Variants in SHC3 observed in about 807,000 individuals in gnomAD.
SHC3 encodes SHC adaptor protein 3, also known as SHC-transforming protein 3.
A neutral mutation model predicts 60.4 loss-of-function variants in SHC3; 15 were observed. The observed-to-expected ratio is 0.25, with a 90% CI of 0.17 to 0.38. SHC3 has a LOEUF of 0.38. Ranked by LOEUF, SHC3 falls within the 10% of genes least tolerant of loss-of-function variation. The pLI, the probability that SHC3 is intolerant of heterozygous loss-of-function variation, is 1.00. For synonymous variants in SHC3, 294 were observed against 325.9 expected (o/e 0.90, Z 1.05); for missense variants, 677 against 786.1 (o/e 0.86, Z 1.66).
At chr9:89,074,336 A>C (rs1281033506) in intron 4 of SHC3, among the ~76,000 whole-genome samples, 2 of 152,206 alleles carry the variant, frequency 1.3e-5, no homozygotes, top group Non-Finnish European at 2.9e-5. Context: ...GCCGGGGCAC[A>C]GCAAGGGAGG....
intron 1 of SHC3, among the ~76,000 whole-genome samples, chr9:89,170,855 G>A (rs1459287974): frequency 1.3e-5 from 2 of 152,190 alleles, no homozygotes; most frequent in Admixed American, 6.5e-5. Flanking sequence ...AGTATACGGT[G>A]TATGGAAGAT....
chr9:89,106,663 T>C (rs926307026), intron 2 of SHC3, among the ~76,000 whole-genome samples: 2 of 152,130 alleles, frequency 1.3e-5, no homozygotes, highest in Admixed American at 6.5e-5. Flanking sequence ...TCTCCCTTCC[T>C]ACTGGCTGTG....
chr9:89,028,114 C>G (rs937430963), intron 11 of SHC3, among the ~76,000 whole-genome samples: 2 of 152,130 alleles, frequency 1.3e-5, no homozygotes, highest in African/African-American at 4.8e-5. Flanking sequence ...AGTCCAAGCC[C>G]CCTCCCCTTC....
At chr9:89,080,735 A>ATATATATATATATATATATATATATG (rs1825431341) in intron 2 of SHC3, among the ~76,000 whole-genome samples, 1 of 4,644 alleles carries the variant, frequency 2.2e-4, no homozygotes, top group African/African-American at 1.1e-3. Context: ...ACTAGGAAGA[A>ATATATATATATATATATATATATATG]TATATATATA....
intron 1 of SHC3, among the ~76,000 whole-genome samples, chr9:89,176,417 G>A (rs1014103768): frequency 6.6e-6 from 1 of 152,212 alleles, no homozygotes; most frequent in Non-Finnish European, 1.5e-5. Flanking sequence ...CCATAAGTTT[G>A]AGAATTCTCC....
In SHC3 at chr9:89,071,212, G is replaced by A; in HGVS notation, c.770C>T (p.Ser257Phe). The change falls in exon 5 of 12, where the codon TCT (serine) becomes TTT (phenylalanine). Residue 257 changes from serine (S) to phenylalanine (F), a missense_variant. Coordinates refer to ENST00000375835, the MANE Select transcript of SHC3 (RefSeq NM_016848.6). ...AAGGGTACTTACCGGGTCTCCCCCA[G>A]AGGCGAAGGAGATGGACCGCATGTG... The part of the protein sequence containing the change: ...NHHMRSISFA[S>F]GGDPDTTDYV... 1 of 1,614,116 alleles carries A rather than the reference G, an allele frequency of 6.2e-7. No individual in the cohort carries two copies. Among genetic ancestry groups the A allele is most frequent in the Non-Finnish European group, 8.5e-7 (1 of 1,180,010 alleles).
intron 2 of SHC3, among the ~76,000 whole-genome samples, chr9:89,097,022 G>T (rs940786149): frequency 6.7e-6 from 1 of 149,162 alleles, no homozygotes; most frequent in Non-Finnish European, 1.5e-5. Context: ...CAGACACCAG[G>T]TCAGGAGAGG....
At chr9:89,110,250 G>T in intron 2 of SHC3, 1 of 985,352 alleles carries the variant, frequency 1.0e-6, no homozygotes, top group Non-Finnish European at 1.2e-6. Context: ...AAGCCCAGCC[G>T]TAGGGGCAAA....
chr9:89,144,970 A>G (rs1341821102), intron 1 of SHC3, among the ~76,000 whole-genome samples: 1 of 152,186 alleles, frequency 6.6e-6, no homozygotes, highest in East Asian at 1.9e-4. Flanking sequence ...TCACCAACCC[A>G]AGGAAATCAA....
intron 6 of SHC3, among the ~76,000 whole-genome samples, chr9:89,062,158 C>T (rs760376731): frequency 6.6e-6 from 1 of 152,260 alleles, no homozygotes; most frequent in Middle Eastern, 3.4e-3. Flanking sequence ...TTGGAACTGT[C>T]TAATATATAC....
chr9:89,114,223 C>T (rs76155234), intron 1 of SHC3, among the ~76,000 whole-genome samples: 39 of 152,218 alleles, frequency 2.6e-4, no homozygotes, highest in Non-Finnish European at 5.4e-4. Context: ...CAGAGTTACA[C>T]GAACACTACC....
intron 11 of SHC3, among the ~76,000 whole-genome samples, chr9:89,015,207 C>T (rs942433083): frequency 3.3e-5 from 5 of 152,206 alleles, no homozygotes; most frequent in Admixed American, 6.5e-5. Flanking sequence ...GCCAGGGGCA[C>T]CCAGGAACTC....
Position 89,029,199 on chromosome 9 carries a change from T to C in SHC3, c.1656+8794A>G, listed in dbSNP as rs186879893. Among the ~76,000 whole-genome samples the C allele has an allele frequency of 8.5e-3, 1,283 of 151,766 alleles. 7 individuals are homozygous for C. The highest frequency in any genetic ancestry group is 0.013 in the Non-Finnish European group (903 of 67,884). On this transcript the variant is annotated intron_variant, in intron 11 of 11. Coordinates refer to ENST00000375835, the MANE Select transcript of SHC3 (RefSeq NM_016848.6). ...CCAGGAGTTCTGAGATGAAAAAATA[T>C]AGAAGGCAGGAAATTATCAAAAATA...
chr9:89,015,972 A>C (rs571085212), intron 11 of SHC3, among the ~76,000 whole-genome samples: 1 of 152,364 alleles, frequency 6.6e-6, no homozygotes, highest in East Asian at 1.9e-4. Flanking sequence ...GAACAAATTA[A>C]TCTAAAGTAA....
intron 4 of SHC3, 114 bp from the exon 5 acceptor site, chr9:89,071,366 T>A: frequency 1.0e-6 from 1 of 991,516 alleles, no homozygotes; most frequent in Non-Finnish European, 1.6e-6. Context: ...TGAAAATTGG[T>A]ATCTATATAA....
chr9:89,164,363 G>C (rs532927720), intron 1 of SHC3, among the ~76,000 whole-genome samples: 12 of 152,176 alleles, frequency 7.9e-5, no homozygotes, highest in Admixed American at 1.3e-4. Context: ...GAAGGACAAA[G>C]AGCATTATTT....
intron 10 of SHC3, among the ~76,000 whole-genome samples, chr9:89,039,806 CCATCAGCAT>C (rs1476587727): frequency 1.3e-5 from 2 of 151,400 alleles, no homozygotes; most frequent in Non-Finnish European, 2.9e-5. Flanking sequence ...ACCACCATTA[CCATCAGCAT>C]CATCAGGATC....
intron 11 of SHC3, among the ~76,000 whole-genome samples, chr9:89,030,731 T>C (rs1278145484): frequency 6.6e-6 from 1 of 152,220 alleles, no homozygotes; most frequent in Non-Finnish European, 1.5e-5. Context: ...AGATGTAGTC[T>C]GCATTTGCAT....
intron 4 of SHC3, among the ~76,000 whole-genome samples, chr9:89,071,852 T>G (rs1825277937): frequency 6.6e-6 from 1 of 152,238 alleles, no homozygotes; most frequent in Non-Finnish European, 1.5e-5. Flanking sequence ...TCACTGGTGA[T>G]AAGCAGCCAG....
Sources: gnomAD v4.1 joint callset for allele counts (sites outside exome capture counted in the v4.1 genomes callset) on GRCh38, gnomAD v4.1.1 for gene constraint, MANE v1.5 for transcripts, NCBI Gene and HGNC (gene_info 2026-07-23, HGNC 2026-07-21) for gene names.